Variants in RIMKLA observed in about 807,000 individuals in gnomAD.
RIMKLA encodes the protein N-acetylaspartylglutamate synthase A.
In RIMKLA, 14 loss-of-function variants were observed where a neutral mutation model predicts 32.7. The observed-to-expected ratio is 0.43, with a 90% CI of 0.28 to 0.67. RIMKLA has a LOEUF of 0.67. Ranked by LOEUF, RIMKLA falls within the 30% of genes least tolerant of loss-of-function variation. RIMKLA has a pLI of 0.18. For synonymous variants in RIMKLA, 176 were observed against 204.1 expected, an observed-to-expected ratio of 0.86 and a Z score of 1.18; for missense variants, 410 against 519.0, an observed-to-expected ratio of 0.79 and a Z score of 2.04.
chr1:42,404,608 C>T lies in RIMKLA; in HGVS notation c.481+11C>T, dbSNP rs750036964. The T allele has an allele frequency of 6.3e-7, 1 of 1,580,958 alleles. No individual in the cohort carries two copies. Among genetic ancestry groups the T allele is most frequent in the Non-Finnish European group, 8.7e-7 (1 of 1,151,800 alleles). On this transcript the variant is annotated intron_variant, in intron 3 of 4. Coordinates refer to ENST00000431473, the MANE Select transcript of RIMKLA (RefSeq NM_173642.4). ...CACGAGGCCACCGGGGTCAGTGCCA[C>T]CTCTCCAGGGCTTCCTGGGTAATCA...
At chr1:42,384,662 G>A (rs1356617852) in intron 1 of RIMKLA, among the ~76,000 whole-genome samples, 1 of 150,806 alleles carries the variant, frequency 6.6e-6, no homozygotes, top group East Asian at 2.0e-4. Flanking sequence ...TGTTTATTCT[G>A]TGCTGGGCAT....
At position 42,399,522 on chromosome 1, in the gene RIMKLA, G is replaced by C. The variant is rs1343951995; in HGVS notation, c.282G>C (p.Leu94=). ...DITVLRHLEK[L]GCRLVNRPQS... is the part of the protein sequence containing the mutation. ...CTGTCCTGCGACACCTGGAGAAGCT[G>C]GGCTGCCGGTTGGTCAATCGCCCAC... The change falls in exon 2 of 5, where the codon CTG becomes CTC. Residue 94 remains leucine (L), a synonymous_variant. Transcript: ENST00000431473. The C allele has an allele frequency of 1.2e-6, 2 of 1,613,392 alleles. No homozygotes were observed. Among genetic ancestry groups the C allele is most frequent in the Non-Finnish European group, 1.7e-6 (2 of 1,179,798 alleles).
chr1:42,381,214 G>A, intron 1 of RIMKLA, 117 bp downstream of exon 1: 4 of 731,654 alleles, frequency 5.5e-6, no homozygotes, highest in Non-Finnish European at 7.6e-6. Context: ...CCGCACACTA[G>A]CCGCACTCTA....
chr1:42,398,085 T>G (rs542937918), intron 1 of RIMKLA, among the ~76,000 whole-genome samples: 1 of 152,208 alleles, frequency 6.6e-6, no homozygotes, highest in Non-Finnish European at 1.5e-5. Flanking sequence ...CCCTATAGCA[T>G]CTATTCAATT....
chr1:42,410,351 G>C (rs1358843283), intron 4 of RIMKLA, among the ~76,000 whole-genome samples, 164 bp downstream of exon 4: 1 of 152,232 alleles, frequency 6.6e-6, no homozygotes, highest in East Asian at 1.9e-4. Flanking sequence ...CTGGAGGGGA[G>C]CGTACAAGTG....
At chr1:42,391,968 C>G (rs78541541) in intron 1 of RIMKLA, among the ~76,000 whole-genome samples, 22,878 of 152,118 alleles carry the variant, frequency 0.15, 1,812 homozygotes, top group East Asian at 0.22. Context: ...ACTGTATCCA[C>G]TTTGCCAAAT....
intron 2 of RIMKLA, among the ~76,000 whole-genome samples, chr1:42,403,429 G>A (rs1342795003): frequency 1.3e-5 from 2 of 152,146 alleles, no homozygotes; most frequent in Non-Finnish European, 2.9e-5. Flanking sequence ...GCATTACGGT[G>A]CAGTCATTAA....
rs1277223736 is a variant in RIMKLA at position 42,420,198 on chromosome 1, A to C, written c.*5224A>C. The C allele has an allele frequency of 1.3e-5, 2 of 152,236 alleles. No individual in the cohort carries two copies. Among genetic ancestry groups the C allele is most frequent in the African/African-American group, 4.8e-5 (2 of 41,434 alleles). 9.4% of individuals were successfully genotyped at this position (152,236 alleles called of 1,614,324 possible). A position where few individuals can be genotyped will look rare whatever the true frequency, so the allele number is the denominator to read the frequency against. On this transcript the variant is annotated 3_prime_UTR_variant, in exon 5 of 5. Transcript: ENST00000431473. ...CTCAAAGACTTATATTTTTGCAGCC[A>C]CTGCTGACTCCACACTTCTGCTACC...
At chr1:42,404,364 T>C in intron 2 of RIMKLA, 147 bp from the exon 3 acceptor site, 1 of 638,644 alleles carries the variant, frequency 1.6e-6, no homozygotes, top group South Asian at 1.7e-5. Context: ...AGGTATATAA[T>C]GTGTGTCTGT....
At position 42,414,495 on chromosome 1, in the gene RIMKLA, G is replaced by A. The variant is rs536295712; in HGVS notation, c.697G>A (p.Val233Ile). The A allele has an allele frequency of 1.3e-4, 210 of 1,613,966 alleles. 1 individual carries two copies. The South Asian group carries it at 2.0e-3, about 15-fold the overall frequency. The change falls in exon 5 of 5, where the codon GTC (valine) becomes ATC (isoleucine). Residue 233 changes from valine (V) to isoleucine (I), a missense_variant. Coordinates refer to ENST00000431473, the MANE Select transcript of RIMKLA (RefSeq NM_173642.4). ...QSNCSLGGVG[V>I]KCPLTEQGKQ... ...TGCTTTCCCCACAGGTGGCGTGGGCGTCAAGTGTCCGCTGACAGAACAAGG... is the reference window on the plus strand; with the variant it reads ...TGCTTTCCCCACAGGTGGCGTGGGCATCAAGTGTCCGCTGACAGAACAAGG...
At chr1:42,411,646 TATTATTTATTTA>T (rs869195186) in intron 4 of RIMKLA, among the ~76,000 whole-genome samples, 2,768 of 135,130 alleles carry the variant, frequency 0.02, 89 homozygotes, top group African/African-American at 0.076. Flanking sequence ...TTTTTATTTT[TATTATTTATTTA>T]TTTATTTATT....
At position 42,385,717 on chromosome 1, in the gene RIMKLA, C is replaced by CTCTTTCTTTCTTTCTTTCTT. The variant is rs35500484; in HGVS notation, c.163+4654_163+4673dup. 1.1e-3 allele frequency among the ~76,000 whole-genome samples: 118 copies of CTCTTTCTTTCTTTCTTTCTT among 109,124 alleles called. 3 individuals are homozygous for CTCTTTCTTTCTTTCTTTCTT. The highest frequency in any genetic ancestry group is 4.3e-3 in the South Asian group (13 of 3,034). 71.6% of individuals were successfully genotyped at this position (109,124 alleles called of 152,430 possible). ...TCCTAGATTTCCTTTTTCTTTCCTT[C>CTCTTTCTTTCTTTCTTTCTT]TCTTTCTTTCTTTCTTTCTTTCTTT... On this transcript the variant is annotated intron_variant, in intron 1 of 4. Transcript: ENST00000431473.
intron 1 of RIMKLA, among the ~76,000 whole-genome samples, chr1:42,383,601 A>G (rs1299074529): frequency 6.6e-6 from 1 of 152,254 alleles, no homozygotes; most frequent in East Asian, 1.9e-4. Context: ...CCAGAATTCA[A>G]CTTGCTTTGA....
chr1:42,406,894 G>A (rs1364013925), intron 3 of RIMKLA, among the ~76,000 whole-genome samples: 4 of 149,974 alleles, frequency 2.7e-5, no homozygotes, highest in Non-Finnish European at 5.9e-5. Flanking sequence ...TTTTATTGTC[G>A]AGTTTGAAGG....
intron 1 of RIMKLA, among the ~76,000 whole-genome samples, chr1:42,384,555 G>GCA (rs1244325154): frequency 7.3e-5 from 10 of 137,332 alleles, no homozygotes; most frequent in African/African-American, 1.3e-4. Flanking sequence ...ATATATGTGT[G>GCA]TATATATACA....
intron 3 of RIMKLA, among the ~76,000 whole-genome samples, chr1:42,404,908 A>C (rs1374078710): frequency 6.6e-6 from 1 of 152,090 alleles, no homozygotes; most frequent in Non-Finnish European, 1.5e-5. Context: ...CTCTCACTGA[A>C]AAACCCTCCC....
At chr1:42,386,568 C>A (rs762685819) in intron 1 of RIMKLA, among the ~76,000 whole-genome samples, 11 of 134,476 alleles carry the variant, frequency 8.2e-5, no homozygotes, top group Non-Finnish European at 1.4e-4. Flanking sequence ...TTTATAGAGA[C>A]CCTGTCTCTA....
At chr1:42,398,505 C>T (rs943119359) in intron 1 of RIMKLA, among the ~76,000 whole-genome samples, 1 of 152,148 alleles carries the variant, frequency 6.6e-6, no homozygotes, top group Non-Finnish European at 1.5e-5. Context: ...ATAAAGAAGA[C>T]ATTACCTGTA....
rs184295203 is a variant in RIMKLA, at chr1:42,381,642, G to A, written c.163+545G>A. Reference sequence around the variant, plus strand: ...GTCACTTCTCGAGTGTAAAGTGGGAGTGTAGACCTTTGATGGGTTTAACTC... The same window carrying A: ...GTCACTTCTCGAGTGTAAAGTGGGAATGTAGACCTTTGATGGGTTTAACTC... On this transcript the variant is annotated intron_variant, in intron 1 of 4. Transcript: ENST00000431473. Among the ~76,000 whole-genome samples the A allele has an allele frequency of 5.1e-4, 77 of 152,296 alleles. No homozygotes were observed. The East Asian group carries it at 0.014, about 27-fold the overall frequency.
Sources: allele counts gnomAD v4.1 joint callset (sites outside exome capture counted in the v4.1 genomes callset), GRCh38; gene constraint gnomAD v4.1.1; transcripts MANE v1.5; gene names NCBI Gene and HGNC (gene_info 2026-07-23, HGNC 2026-07-21).